The following CEP72 variants were observed in gnomAD, a reference collection of about 807,000 sequenced individuals.
CEP72 encodes centrosomal protein of 72 kDa.
CEP72 carries 78 observed loss-of-function variants against 65.7 expected under a neutral mutation model. The observed-to-expected ratio is 1.19, with a 90% confidence interval of 0.99 to 1.43. CEP72 has a LOEUF of 1.43. Among genes scored for constraint, CEP72 ranks in the 40% most tolerant of loss-of-function variants. The pLI, the probability that CEP72 is intolerant of heterozygous loss-of-function variation, is 0.00. For missense variants in CEP72, 914 were observed against 832.9 expected, an observed-to-expected ratio of 1.10 and a Z score of -1.20; for synonymous variants, 358 against 351.7, an observed-to-expected ratio of 1.02 and a Z score of -0.20.
At chr5:640,759 C>T (rs1315945171) in intron 9 of CEP72, 155 bp downstream of exon 9, 1 of 985,350 alleles carries the variant, frequency 1.0e-6, no homozygotes, top group Non-Finnish European at 1.2e-6. Flanking sequence ...CCGGCCACCC[C>T]CGGAACGCGG....
chr5:656,422 A>G (rs1477839975), downstream of CEP72, among the ~76,000 whole-genome samples: 2 of 152,218 alleles, frequency 1.3e-5, no homozygotes, highest in African/African-American at 2.4e-5. Flanking sequence ...TGAACATGGT[A>G]TCTGTCTCTC....
chr5:646,906 T>C (rs992461186), intron 10 of CEP72, among the ~76,000 whole-genome samples: 1 of 152,222 alleles, frequency 6.6e-6, no homozygotes, highest in Non-Finnish European at 1.5e-5. Context: ...TCCCAAGGCT[T>C]CCTTGTCTCT....
At chr5:647,728 T>C (rs1376564946) in intron 10 of CEP72, 77 bp from the exon 11 acceptor site, 5 of 936,386 alleles carry the variant, frequency 5.3e-6, no homozygotes, top group Non-Finnish European at 8.4e-6. Flanking sequence ...AGTTTAAATG[T>C]AGAATTGTTT....
At chr5:663,060 C>G (rs1356143623) in intron 1 of CEP72, 1 of 126,500 alleles carries the variant, frequency 7.9e-6, no homozygotes, top group Non-Finnish European at 1.8e-5. Context: ...CGTCTGTGAT[C>G]GGGTGATTCC....
chr5:645,582 G>T lies in CEP72; in HGVS notation c.1666+1157G>T, dbSNP rs554443385. ...CATGCCCCAAAGCTGTGCACGCCAG[G>T]GTGTTGCTGTGTCTGACCTGTCCCA... On this transcript the variant is annotated intron_variant, in intron 10 of 11. Coordinates refer to ENST00000264935, the MANE Select transcript of CEP72 (RefSeq NM_018140.4). This position sits in a 1 kb window ranked among gnomAD's most constrained non-coding sequence, Gnocchi z 4.0. Among the ~76,000 whole-genome samples, 2 of 152,118 alleles carry T rather than the reference G, an allele frequency of 1.3e-5. No homozygotes were observed. Among genetic ancestry groups the T allele is most frequent in the Non-Finnish European group, 2.9e-5 (2 of 68,030 alleles).
At chr5:670,898 C>CCTGAGAGGGCTTCTCCCCTCAT (rs1740197716), downstream of CEP72, among the ~76,000 whole-genome samples, 1 of 152,202 alleles carries the variant, frequency 6.6e-6, no homozygotes, top group Non-Finnish European at 1.5e-5. Context: ...TGTCTGGCCA[C>CCTGAGAGGGCTTCTCCCCTCAT]CTGAGAGGGC....
chr5:614,326 G>T (rs1735859067), intron 1 of CEP72, among the ~76,000 whole-genome samples: 1 of 151,810 alleles, frequency 6.6e-6, no homozygotes, highest in Non-Finnish European at 1.5e-5. Flanking sequence ...AGTGCCACAA[G>T]TTTCCCTGTA....
rs59288573 is a variant in CEP72 at position 628,397 on chromosome 5, C to G, written c.512+3818C>G. Among the ~76,000 whole-genome samples, 368 of 150,454 alleles carry G rather than the reference C, an allele frequency of 2.4e-3. 1 individual carries two copies. The highest frequency in any genetic ancestry group is 8.7e-3 in the African/African-American group (353 of 40,514). On this transcript the variant is annotated intron_variant, in intron 4 of 11. Coordinates refer to ENST00000264935, the MANE Select transcript of CEP72 (RefSeq NM_018140.4). ...GGACCCAGCCCCCTTCTTTGTGCAG[C>G]TTCTGGAGAACTCAGGTCACAGGCC...
At chr5:612,558 G>T in intron 1 of CEP72, 115 bp downstream of exon 1, 1 of 1,246,318 alleles carries the variant, frequency 8.0e-7, no homozygotes, top group South Asian at 3.0e-5. Context: ...CAGGCGCCGC[G>T]GGCGTCCGGA....
chr5:662,498 C>G (rs3762951), intron 1 of CEP72: 20,379 of 152,526 alleles, frequency 0.13, 1,749 homozygotes, highest in Admixed American at 0.19. Context: ...GTGTGAGGAC[C>G]CGCGGACCCC....
chr5:638,797 G>A (rs1208809968), intron 7 of CEP72, among the ~76,000 whole-genome samples: 3 of 152,098 alleles, frequency 2.0e-5, no homozygotes, highest in Admixed American at 6.5e-5. Flanking sequence ...TGTGTCTTCC[G>A]CTTCCCTGTC....
rs750070109 is a variant in CEP72, at chr5:640,454, T to A, written c.1389T>A (p.Ala463=). The part of the protein sequence containing the change: ...ILSSVEEFTA[A]QDSSAMVGED... ...CATCTGTTGAAGAATTCACAGCAGC[T>A]CAGGACAGCTCTGCGATGGTGGGTG... is the stretch of plus-strand genomic sequence containing the variant. The change falls in exon 9 of 12, where the codon GCT becomes GCA. Residue 463 remains alanine (A), a synonymous_variant. Transcript: ENST00000264935. The A allele has an allele frequency of 1.1e-5, 17 of 1,614,106 alleles. No homozygotes were observed. In the Admixed American group the frequency reaches 2.8e-4, roughly 27 times the overall value.
chr5:626,864 G>C (rs1369253553), intron 4 of CEP72, among the ~76,000 whole-genome samples: 1 of 152,202 alleles, frequency 6.6e-6, no homozygotes, highest in Non-Finnish European at 1.5e-5. Flanking sequence ...TGCATACCTA[G>C]AATAAATCCT....
rs745557712 is a variant in CEP72 at position 644,287 on chromosome 5, C to T, written c.1540-12C>T. 5.0e-6 allele frequency: 8 copies of T among 1,611,254 alleles called. No homozygotes were observed. In the South Asian group the frequency reaches 8.8e-5, roughly 18 times the overall value. On this transcript the variant is annotated splice_polypyrimidine_tract_variant and intron_variant, in intron 9 of 11. Coordinates refer to ENST00000264935, the MANE Select transcript of CEP72 (RefSeq NM_018140.4). ...TGACTTGTGCACTTAAGTGTATTTT[C>T]TGTGTCCGCAGGATGATTTGAGACA...
At chr5:642,299 C>T in intron 9 of CEP72, 1 of 984,098 alleles carries the variant, frequency 1.0e-6, no homozygotes, top group Non-Finnish European at 1.2e-6. Flanking sequence ...TGTATTTAAA[C>T]ACACATGGCC....
intron 8 of CEP72, among the ~76,000 whole-genome samples, chr5:640,038 C>A (rs759309527): frequency 6.6e-6 from 1 of 152,222 alleles, no homozygotes; most frequent in Non-Finnish European, 1.5e-5. Context: ...GGGACTGTCC[C>A]AGGCCCAGGC....
At chr5:659,121 G>A (rs1271412130), downstream of CEP72, among the ~76,000 whole-genome samples, 1 of 152,230 alleles carries the variant, frequency 6.6e-6, no homozygotes, top group Non-Finnish European at 1.5e-5. Flanking sequence ...TTTGGAGACT[G>A]TACTCTGCTT....
In CEP72 at chr5:666,450, C is replaced by A. The variant is rs1322107956; in HGVS notation, n.592+351C>A. Among the ~76,000 whole-genome samples the A allele has an allele frequency of 2.6e-5, 4 of 152,232 alleles. No homozygotes were observed. In the East Asian group the frequency reaches 5.8e-4, roughly 22 times the overall value. On this transcript the variant is annotated intron_variant and non_coding_transcript_variant, in intron 4 of 4. Coordinates refer to the CEP72 transcript ENST00000514507. ...CTCCCGGGGCCACCACAGCCCCGCCCAGCTGCGCCGGGAGCTGGGGGTCCT... is the reference window on the plus strand; with the variant it reads ...CTCCCGGGGCCACCACAGCCCCGCCAAGCTGCGCCGGGAGCTGGGGGTCCT...
At position 652,898 on chromosome 5, in the gene CEP72, A is replaced by T. The variant is rs560995545; in HGVS notation, c.1779-90A>T. The T allele has an allele frequency of 3.6e-6, 5 of 1,392,490 alleles. No homozygotes were observed. The East Asian group carries it at 1.3e-4, about 36-fold the overall frequency. The allele number at this position is 1,392,490 out of a possible 1,614,324, so 86.3% of individuals were successfully genotyped here. A position where few individuals can be genotyped will look rare whatever the true frequency, so the allele number is the denominator to read the frequency against. ...GCAGGGCCAGGGCACCTTCGTGCCCATGCAGGGAGGTGGGCAGGCCCAGCA... is the reference window on the plus strand; with the variant it reads ...GCAGGGCCAGGGCACCTTCGTGCCCTTGCAGGGAGGTGGGCAGGCCCAGCA... On this transcript the variant is annotated intron_variant, in intron 11 of 11. Coordinates refer to ENST00000264935, the MANE Select transcript of CEP72 (RefSeq NM_018140.4).
Sources: allele counts gnomAD v4.1 joint callset (sites outside exome capture counted in the v4.1 genomes callset), GRCh38; gene constraint gnomAD v4.1.1; non-coding constraint Gnocchi (gnomAD v3.1); transcripts MANE v1.5; gene names NCBI Gene and HGNC (gene_info 2026-07-23, HGNC 2026-07-21).